The following CDH13 variants were observed in gnomAD, a reference collection of about 807,000 sequenced individuals.
CDH13 encodes the protein cadherin 13.
CDH13 carries 24 observed loss-of-function variants against 63.8 expected under a neutral mutation model. The ratio of observed to expected loss-of-function variants is 0.38; its 90% CI spans 0.27 to 0.53. The LOEUF (loss-of-function observed/expected upper bound fraction) is 0.53. CDH13 is among the 20% of genes least tolerant of loss of function. The pLI is 0.85. For synonymous variants in CDH13, 503 were observed against 355.3 expected, an observed-to-expected ratio of 1.42 and a Z score of -4.67; for missense variants, 1,049 against 903.1, an observed-to-expected ratio of 1.16 and a Z score of -2.07.
At chr16:83,007,144 A>G (rs865926112) in intron 2 of CDH13, among the ~76,000 whole-genome samples, 38 of 151,488 alleles carry the variant, frequency 2.5e-4, no homozygotes, top group African/African-American at 8.0e-4. Flanking sequence ...CTGGTCTTGA[A>G]CTCTCGACCT....
intron 2 of CDH13, among the ~76,000 whole-genome samples, chr16:82,983,385 G>A (rs369316197): frequency 6.6e-6 from 1 of 152,064 alleles, no homozygotes; most frequent in Non-Finnish European, 1.5e-5. Context: ...ATTTTAACTT[G>A]CATTTGCTCC....
chr16:83,255,904 G>C (rs978146855), intron 5 of CDH13, among the ~76,000 whole-genome samples: 32 of 152,098 alleles, frequency 2.1e-4, no homozygotes, highest in Admixed American at 2.1e-3. Flanking sequence ...CACTAAGCTT[G>C]GCACATAGTT....
chr16:83,751,341 T>C (rs1028493506), intron 11 of CDH13, among the ~76,000 whole-genome samples: 15 of 152,124 alleles, frequency 9.9e-5, no homozygotes, highest in African/African-American at 3.4e-4. Context: ...ATGCCTGCAA[T>C]GTCAGCACTT....
chr16:82,687,847 C>G (rs556807290), intron 1 of CDH13, among the ~76,000 whole-genome samples: 2 of 152,016 alleles, frequency 1.3e-5, no homozygotes, highest in Non-Finnish European at 2.9e-5. Flanking sequence ...TGGCTGTCCT[C>G]GGGGGTAGGA....
chr16:83,190,883 G>T (rs1223599674), intron 4 of CDH13, among the ~76,000 whole-genome samples: 1 of 151,916 alleles, frequency 6.6e-6, no homozygotes, highest in Non-Finnish European at 1.5e-5. Flanking sequence ...GCAATTGATT[G>T]AATCCTCTTT....
chr16:83,133,442 T>C lies in CDH13; in HGVS notation c.483+7941T>C, dbSNP rs1037194277. 3.3e-5 allele frequency among the ~76,000 whole-genome samples: 5 copies of C among 152,298 alleles called. No homozygotes were observed. In the South Asian group the frequency reaches 6.2e-4, roughly 19 times the overall value. ...TATTAAATTATTAATATGGCTCACG[T>C]ATTTTTATCAGATGGTGCTAATGTA... is the stretch of plus-strand genomic sequence containing the variant. On this transcript the variant is annotated intron_variant, in intron 4 of 13. Coordinates refer to ENST00000567109, the MANE Select transcript of CDH13 (RefSeq NM_001257.5).
chr16:83,508,694 G>A (rs2074482122), intron 7 of CDH13, among the ~76,000 whole-genome samples: 1 of 152,110 alleles, frequency 6.6e-6, no homozygotes, highest in Non-Finnish European at 1.5e-5. Context: ...TCTGCCCATT[G>A]CCACCTGTGT....
chr16:83,096,271 T>C (rs2034187860), intron 3 of CDH13, among the ~76,000 whole-genome samples: 1 of 152,176 alleles, frequency 6.6e-6, no homozygotes, highest in African/African-American at 2.4e-5. Flanking sequence ...AGCTATATAG[T>C]ATTAGTCTGC....
At chr16:83,479,012 T>C (rs1057418827) in intron 6 of CDH13, among the ~76,000 whole-genome samples, 1 of 152,178 alleles carries the variant, frequency 6.6e-6, no homozygotes, top group Non-Finnish European at 1.5e-5. Flanking sequence ...CTGCCAAACG[T>C]GGGCTGCCTC....
chr16:83,402,400 G>T (rs537737591), intron 6 of CDH13, among the ~76,000 whole-genome samples: 3 of 152,210 alleles, frequency 2.0e-5, no homozygotes, highest in Admixed American at 6.5e-5. Flanking sequence ...TATCCCACAA[G>T]AACGTGACTA....
intron 6 of CDH13, among the ~76,000 whole-genome samples, chr16:83,480,326 A>C (rs1177213607): frequency 6.6e-6 from 1 of 152,232 alleles, no homozygotes; most frequent in Middle Eastern, 3.4e-3. Context: ...AAACAACAAC[A>C]ATAAAATTTG....
intron 1 of CDH13, among the ~76,000 whole-genome samples, chr16:82,831,385 A>G (rs1432536953): frequency 6.7e-6 from 1 of 150,176 alleles, no homozygotes; most frequent in East Asian, 2.3e-4. Context: ...TCTATTTGAT[A>G]ATTATATATC....
At chr16:83,573,473 GAC>G (rs1340288329) in intron 7 of CDH13, among the ~76,000 whole-genome samples, 1 of 152,186 alleles carries the variant, frequency 6.6e-6, no homozygotes, top group Admixed American at 6.5e-5. Flanking sequence ...CAGCACTTGT[GAC>G]ACATGCTATC....
chr16:83,027,806 G>T (rs7498488), intron 2 of CDH13, among the ~76,000 whole-genome samples: 110,105 of 152,028 alleles, frequency 0.72, 40,807 homozygotes, highest in African/African-American at 0.87. Context: ...CATCCAGTTC[G>T]GTAGATGCCG....
chr16:83,366,572 G>C (rs2091261055), intron 6 of CDH13, among the ~76,000 whole-genome samples: 1 of 152,146 alleles, frequency 6.6e-6, no homozygotes, highest in Non-Finnish European at 1.5e-5. Context: ...CCTGCGATTG[G>C]GATAAGCTAC....
chr16:83,239,627 G>A (rs1372220053), intron 5 of CDH13, among the ~76,000 whole-genome samples: 1 of 152,196 alleles, frequency 6.6e-6, no homozygotes, highest in East Asian at 1.9e-4. Flanking sequence ...TGTGACTGAG[G>A]TGATTTTTTT....
intron 5 of CDH13, among the ~76,000 whole-genome samples, chr16:83,267,888 C>A (rs2088673440): frequency 6.6e-6 from 1 of 152,224 alleles, no homozygotes; most frequent in Non-Finnish European, 1.5e-5. Flanking sequence ...ATGCCCCACA[C>A]ATGTGCTCTC....
chr16:82,803,822 G>C (rs1330970576), intron 1 of CDH13, among the ~76,000 whole-genome samples: 3 of 152,120 alleles, frequency 2.0e-5, no homozygotes, highest in African/African-American at 7.2e-5. Flanking sequence ...AGCAGAAAGG[G>C]GAAATTTATT....
intron 7 of CDH13, among the ~76,000 whole-genome samples, chr16:83,577,267 T>A (rs1905147940): frequency 6.6e-6 from 1 of 152,208 alleles, no homozygotes; most frequent in Admixed American, 6.5e-5. Flanking sequence ...CAAGTCCCCT[T>A]CATGATTTAT....
Sources: allele counts gnomAD v4.1 joint callset (sites outside exome capture counted in the v4.1 genomes callset), GRCh38; gene constraint gnomAD v4.1.1; transcripts MANE v1.5; gene names NCBI Gene and HGNC (gene_info 2026-07-23, HGNC 2026-07-21).